Variants in CAMK1D observed in about 807,000 individuals in gnomAD.
CAMK1D encodes calcium/calmodulin dependent protein kinase ID, also known as calcium/calmodulin-dependent protein kinase type 1D.
In CAMK1D, 9 loss-of-function variants were observed where a neutral mutation model predicts 47.7. The ratio of observed to expected loss-of-function variants is 0.19; its 90% CI spans 0.11 to 0.33. The LOEUF (loss-of-function observed/expected upper bound fraction) is 0.33, where lower values mean the gene tolerates loss of function less well. CAMK1D is among the 10% of genes least tolerant of loss of function. The pLI is 1.00. For missense variants in CAMK1D, 291 were observed against 488.7 expected, an observed-to-expected ratio of 0.60 and a Z score of 3.81; for synonymous variants, 184 against 184.9, an observed-to-expected ratio of 0.99 and a Z score of 0.04.
At chr10:12,645,034 C>T (rs1474128411) in intron 2 of CAMK1D, among the ~76,000 whole-genome samples, 1 of 151,132 alleles carries the variant, frequency 6.6e-6, no homozygotes, top group African/African-American at 2.4e-5. Context: ...GCTTTCTTAG[C>T]ATATCTCATC....
chr10:12,793,733 G>C (rs981055343), intron 6 of CAMK1D, among the ~76,000 whole-genome samples: 1 of 152,180 alleles, frequency 6.6e-6, no homozygotes, highest in Non-Finnish European at 1.5e-5. Context: ...GATCATCATG[G>C]TTGGCCAAGT....
At chr10:12,631,946 G>A (rs1005599238) in intron 2 of CAMK1D, among the ~76,000 whole-genome samples, 2 of 152,160 alleles carry the variant, frequency 1.3e-5, no homozygotes, top group East Asian at 3.8e-4. Context: ...TGGCACACAG[G>A]AGGTGCTCAG....
At chr10:12,764,970 C>T (rs529266427) in intron 4 of CAMK1D, among the ~76,000 whole-genome samples, 14 of 152,242 alleles carry the variant, frequency 9.2e-5, no homozygotes, top group Middle Eastern at 3.4e-3. Context: ...TGGCACATGC[C>T]TGTAATCCCA....
chr10:12,720,602 A>T (rs9943344), intron 3 of CAMK1D, among the ~76,000 whole-genome samples: 5,311 of 152,280 alleles, frequency 0.035, 139 homozygotes, highest in African/African-American at 0.072. Context: ...GCAAACAGAG[A>T]CTCATTGTCC....
At chr10:12,734,088 G>A (rs1835019044) in intron 3 of CAMK1D, among the ~76,000 whole-genome samples, 1 of 151,602 alleles carries the variant, frequency 6.6e-6, no homozygotes, top group South Asian at 2.1e-4. Flanking sequence ...AGCACGTGGG[G>A]AGTCCGAGGC....
rs575515788 is a variant in CAMK1D at position 12,592,155 on chromosome 10, C to T, written c.224+38799C>T. On this transcript the variant is annotated intron_variant, in intron 2 of 10. Coordinates refer to ENST00000619168, the MANE Select transcript of CAMK1D (RefSeq NM_153498.4). Reference sequence around the variant, plus strand: ...CTTAAGACAGGAGAGAAGGTTGGGCCGGCTTGAAGTCCACACTTTAGTGTT... The same window carrying T: ...CTTAAGACAGGAGAGAAGGTTGGGCTGGCTTGAAGTCCACACTTTAGTGTT... Among the ~76,000 whole-genome samples the T allele has an allele frequency of 6.8e-4, 103 of 152,244 alleles. 1 individual carries two copies. Among genetic ancestry groups the T allele is most frequent in the South Asian group, 1.5e-3 (7 of 4,816 alleles).
intron 3 of CAMK1D, among the ~76,000 whole-genome samples, chr10:12,707,567 G>C (rs763534139): frequency 6.6e-6 from 1 of 152,222 alleles, no homozygotes; most frequent in Non-Finnish European, 1.5e-5. Context: ...GCTTGTTATA[G>C]AGCAGACGCA....
chr10:12,443,525 GT>G (rs1564343262), intron 1 of CAMK1D, among the ~76,000 whole-genome samples: 1 of 152,232 alleles, frequency 6.6e-6, no homozygotes, highest in Non-Finnish European at 1.5e-5. Flanking sequence ...TTCAGGGTGA[GT>G]TTATAGAGTA....
intron 1 of CAMK1D, among the ~76,000 whole-genome samples, chr10:12,545,045 G>A (rs929818766): frequency 1.9e-4 from 29 of 152,204 alleles, no homozygotes; most frequent in African/African-American, 6.8e-4. Context: ...GCACCAGTTG[G>A]TACAAGTATT....
chr10:12,615,565 T>G lies in CAMK1D; in HGVS notation c.225-51171T>G, dbSNP rs559746053. On this transcript the variant is annotated intron_variant, in intron 2 of 10. Transcript: ENST00000619168. Reference sequence around the variant, plus strand: ...GTACATGTGTAGTTATGTGTGTATATCGTGTGTGTGCGTGTGTGTAGGTGT... The same window carrying G: ...GTACATGTGTAGTTATGTGTGTATAGCGTGTGTGTGCGTGTGTGTAGGTGT... Among the ~76,000 whole-genome samples the G allele has an allele frequency of 2.6e-4, 28 of 106,100 alleles. 1 individual carries two copies. The highest frequency in any genetic ancestry group is 1.0e-3 in the African/African-American group (26 of 24,822). 69.6% of individuals were successfully genotyped at this position (106,100 alleles called of 152,430 possible).
intron 5 of CAMK1D, among the ~76,000 whole-genome samples, chr10:12,781,148 G>A (rs917510880): frequency 2.0e-5 from 3 of 152,170 alleles, no homozygotes; most frequent in East Asian, 1.9e-4. Flanking sequence ...ACGTTTTGTC[G>A]TGGTGGGAAA....
intron 2 of CAMK1D, among the ~76,000 whole-genome samples, chr10:12,558,928 A>G (rs1836850692): frequency 6.6e-6 from 1 of 152,180 alleles, no homozygotes; most frequent in Non-Finnish European, 1.5e-5. Context: ...GGAGTCTCAG[A>G]TGATGGTCTC....
chr10:12,760,901 C>T (rs1836472245), intron 3 of CAMK1D, 47 bp from the exon 4 acceptor site: 3 of 1,584,676 alleles, frequency 1.9e-6, no homozygotes, highest in African/African-American at 2.7e-5. Context: ...TTTCCCTTCA[C>T]AATTCAACAG....
At chr10:12,491,000 A>G (rs528383916) in intron 1 of CAMK1D, among the ~76,000 whole-genome samples, 5 of 152,326 alleles carry the variant, frequency 3.3e-5, no homozygotes, top group Admixed American at 6.5e-5. Flanking sequence ...AAACTCATGT[A>G]TAGGTGGGAA....
chr10:12,575,206 C>T (rs1201518679), intron 2 of CAMK1D, among the ~76,000 whole-genome samples: 4 of 152,172 alleles, frequency 2.6e-5, no homozygotes, highest in African/African-American at 9.7e-5. Context: ...GATTCTCCTG[C>T]CTCAGCCTCG....
intron 2 of CAMK1D, among the ~76,000 whole-genome samples, chr10:12,593,252 G>A (rs1470244307): frequency 6.6e-6 from 1 of 152,196 alleles, no homozygotes; most frequent in Non-Finnish European, 1.5e-5. Flanking sequence ...TGCACAGTAT[G>A]ATTACATGAT....
In CAMK1D at chr10:12,358,923, T is replaced by C. The variant is rs1469167280; in HGVS notation, c.92+9013T>C. Among the ~76,000 whole-genome samples, 9 of 152,224 alleles carry C rather than the reference T, an allele frequency of 5.9e-5. No individual in the cohort carries two copies. In the East Asian group the frequency reaches 1.5e-3, roughly 26 times the overall value. Reference sequence around the variant, plus strand: ...AGAACACGTCAGTATCTGTTGGAAATTGATTTTTTGGAAGCTCTTGTTGCA... The same window carrying C: ...AGAACACGTCAGTATCTGTTGGAAACTGATTTTTTGGAAGCTCTTGTTGCA... On this transcript the variant is annotated intron_variant, in intron 1 of 10. Coordinates refer to ENST00000619168, the MANE Select transcript of CAMK1D (RefSeq NM_153498.4).
chr10:12,696,708 T>C (rs1312466107), intron 3 of CAMK1D, among the ~76,000 whole-genome samples: 1 of 152,280 alleles, frequency 6.6e-6, no homozygotes, highest in African/African-American at 2.4e-5. Flanking sequence ...CCTGCAATTC[T>C]TGATGTTCTT....
rs533787758 is a variant in CAMK1D, at chr10:12,722,419, C to A, written c.300-38529C>A. Among the ~76,000 whole-genome samples, 4 of 123,080 alleles carry A rather than the reference C, an allele frequency of 3.2e-5. No individual in the cohort carries two copies. In the South Asian group the frequency reaches 1.1e-3, roughly 33 times the overall value. 80.7% of individuals were successfully genotyped at this position (123,080 alleles called of 152,430 possible). A position where few individuals can be genotyped will look rare whatever the true frequency, so the allele number is the denominator to read the frequency against. On this transcript the variant is annotated intron_variant, in intron 3 of 10. Transcript: ENST00000619168. ...CAAGATTGTGCCACTGCACCTCCAG[C>A]CTGGGCAACAAAGTGAGACTCCGCC...
Sources: allele counts gnomAD v4.1 joint callset (sites outside exome capture counted in the v4.1 genomes callset), GRCh38; gene constraint gnomAD v4.1.1; transcripts MANE v1.5; gene names NCBI Gene and HGNC (gene_info 2026-07-23, HGNC 2026-07-21).